PACRG: variants seen among roughly 807,000 people sequenced by gnomAD.
PACRG encodes parkin coregulated gene protein.
Under a neutral mutation model 29.7 loss-of-function variants are expected in PACRG, and 29 were observed. The ratio of observed to expected loss-of-function variants is 0.98; its 90% confidence interval spans 0.73 to 1.33. The LOEUF (loss-of-function observed/expected upper bound fraction) is 1.33. PACRG is among the 40% of genes most tolerant of loss of function. The pLI is 0.00. For missense variants in PACRG, 279 were observed against 316.2 expected (o/e 0.88, Z 0.89); for synonymous variants, 116 against 118.7 (o/e 0.98, Z 0.15).
At chr6:163,216,689 A>C (rs1031924096) in intron 4 of PACRG, among the ~76,000 whole-genome samples, 1 of 152,188 alleles carries the variant, frequency 6.6e-6, no homozygotes, top group Non-Finnish European at 1.5e-5. Context: ...ACATATGCAC[A>C]TGTACACACA....
At chr6:163,085,352 G>C (rs1421339453) in intron 3 of PACRG, among the ~76,000 whole-genome samples, 2 of 152,128 alleles carry the variant, frequency 1.3e-5, no homozygotes, top group Non-Finnish European at 2.9e-5. Flanking sequence ...AAGGAGAGAT[G>C]AATAAAGAGA....
intron 2 of PACRG, among the ~76,000 whole-genome samples, chr6:162,943,684 G>A (rs532908637): frequency 1.6e-4 from 24 of 152,148 alleles, no homozygotes; most frequent in Non-Finnish European, 2.9e-4. Context: ...GCCTGAGCTC[G>A]CCGTCTGGGT....
chr6:163,172,107 T>G (rs1779116569), intron 4 of PACRG, among the ~76,000 whole-genome samples: 1 of 152,220 alleles, frequency 6.6e-6, no homozygotes, highest in African/African-American at 2.4e-5. Flanking sequence ...CCCAGGAAGC[T>G]CTAAGCTTCT....
intron 2 of PACRG, among the ~76,000 whole-genome samples, chr6:162,904,030 G>A (rs918141940): frequency 6.6e-6 from 1 of 152,180 alleles, no homozygotes; most frequent in Non-Finnish European, 1.5e-5. Flanking sequence ...TCTTGAGTCC[G>A]AAATCCGCAG....
intron 1 of PACRG, among the ~76,000 whole-genome samples, chr6:162,770,706 T>C (rs915479405): frequency 2.0e-5 from 3 of 152,284 alleles, no homozygotes; most frequent in Admixed American, 6.5e-5. Flanking sequence ...CACTACTTTT[T>C]GCTTAACAGA....
chr6:163,237,805 G>A (rs998932545), intron 4 of PACRG, among the ~76,000 whole-genome samples: 2 of 152,086 alleles, frequency 1.3e-5, no homozygotes, highest in East Asian at 3.9e-4. Flanking sequence ...GAACTTAATA[G>A]GTTATTACTA....
At chr6:163,117,683 G>A (rs1260714605) in intron 4 of PACRG, among the ~76,000 whole-genome samples, 5 of 151,648 alleles carry the variant, frequency 3.3e-5, no homozygotes, top group Admixed American at 1.3e-4. Context: ...CCTGGGAGGC[G>A]GAGGTGGCAG....
chr6:162,921,572 T>C (rs1797067658), intron 2 of PACRG, among the ~76,000 whole-genome samples: 1 of 152,180 alleles, frequency 6.6e-6, no homozygotes. Context: ...AGGCTGACTC[T>C]TGCTGTGGGG....
chr6:163,034,253 A>G (rs1307003118), intron 2 of PACRG, among the ~76,000 whole-genome samples: 1 of 152,190 alleles, frequency 6.6e-6, no homozygotes, highest in Admixed American at 6.5e-5. Context: ...TTTAGGGAAG[A>G]AAAAGCTCCC....
intron 4 of PACRG, among the ~76,000 whole-genome samples, chr6:163,213,923 G>A (rs62429971): frequency 0.16 from 24,620 of 152,002 alleles, 2,134 homozygotes; most frequent in African/African-American, 0.21. Flanking sequence ...TTAGTCAATT[G>A]CCCCAACACC....
chr6:162,924,941 G>C (rs1464305770), intron 2 of PACRG, among the ~76,000 whole-genome samples: 2 of 152,058 alleles, frequency 1.3e-5, no homozygotes, highest in African/African-American at 4.8e-5. Flanking sequence ...AAGAGGAAAA[G>C]AGAGAAGAAT....
intron 2 of PACRG, among the ~76,000 whole-genome samples, chr6:163,026,289 C>T (rs1246657069): frequency 6.6e-6 from 1 of 152,184 alleles, no homozygotes; most frequent in African/African-American, 2.4e-5. Context: ...TTGATTCAGA[C>T]AAATGTCAAG....
chr6:162,904,293 A>G (rs551464577), intron 2 of PACRG, among the ~76,000 whole-genome samples: 1 of 152,368 alleles, frequency 6.6e-6, no homozygotes, highest in South Asian at 2.1e-4. Flanking sequence ...CAGCCACAGC[A>G]ACAAATAAAA....
At chr6:162,727,520 C>G, upstream of PACRG, 2 of 925,274 alleles carry the variant, frequency 2.2e-6, no homozygotes, top group Admixed American at 2.5e-5. Context: ...AGCCCGGCGG[C>G]GCGGGCCGGG....
chr6:163,103,172 G>A (rs573641143), intron 4 of PACRG, among the ~76,000 whole-genome samples: 16 of 152,324 alleles, frequency 1.1e-4, no homozygotes, highest in African/African-American at 3.8e-4. Flanking sequence ...GGATCAAAGT[G>A]TCAGTTGCCC....
chr6:163,001,124 C>T (rs1227985297), intron 2 of PACRG, among the ~76,000 whole-genome samples: 2 of 152,218 alleles, frequency 1.3e-5, no homozygotes, highest in East Asian at 3.9e-4. Context: ...AACCACACAG[C>T]TGAGTCCTTT....
At chr6:162,826,898 AATGCTTTCC>A (rs1788334255) in intron 2 of PACRG, among the ~76,000 whole-genome samples, 1 of 152,186 alleles carries the variant, frequency 6.6e-6, no homozygotes, top group Non-Finnish European at 1.5e-5. Flanking sequence ...ACATCTTTCA[AATGCTTTCC>A]ATTTGCAGTA....
intron 4 of PACRG, chr6:163,244,901 T>A: frequency 3.2e-6 from 1 of 312,530 alleles, no homozygotes; most frequent in Non-Finnish European, 6.4e-6. Context: ...AAAACTTCAA[T>A]AGAGAAAAAT....
Position 163,049,718 on chromosome 6 carries a change from G to A in PACRG, c.292-12432G>A, listed in dbSNP as rs916106215. Among the ~76,000 whole-genome samples, 8 of 152,048 alleles carry A rather than the reference G, an allele frequency of 5.3e-5. No homozygotes were observed. The South Asian group carries it at 1.2e-3, about 24-fold the overall frequency. On this transcript the variant is annotated intron_variant, in intron 2 of 4. Transcript: ENST00000366888. Reference sequence around the variant, plus strand: ...AAAGGTAATTATTCTCATAGTAAGAGAAATAAAACAACCCTGAAATACCAT... The same window carrying A: ...AAAGGTAATTATTCTCATAGTAAGAAAAATAAAACAACCCTGAAATACCAT...
Sources: gnomAD v4.1 joint callset for allele counts (sites outside exome capture counted in the v4.1 genomes callset) on GRCh38, gnomAD v4.1.1 for gene constraint, MANE v1.5 for transcripts, NCBI Gene and HGNC (gene_info 2026-07-23, HGNC 2026-07-21) for gene names.